The following NCOR1 variants were observed in gnomAD, a reference collection of about 807,000 sequenced individuals.
The protein encoded by NCOR1 is nuclear receptor corepressor 1.
A neutral mutation model predicts 288.1 loss-of-function variants in NCOR1; 63 were observed. That is an observed-to-expected ratio of 0.22 (90% CI 0.18 to 0.27). The LOEUF (loss-of-function observed/expected upper bound fraction) is 0.27. Among genes scored for constraint, NCOR1 ranks in the 10% least tolerant of loss-of-function variants. The probability of loss-of-function intolerance (pLI) is 1.00; values close to 1 mark genes in which losing one functional copy is unlikely to be tolerated. For missense variants in NCOR1, 2,397 were observed against 3,019.2 expected, an observed-to-expected ratio of 0.79 and a Z score of 4.83; for synonymous variants, 1,007 against 1,065.9, an observed-to-expected ratio of 0.94 and a Z score of 1.08.
intron 14 of NCOR1, among the ~76,000 whole-genome samples, chr17:16,132,811 C>CTTT (rs2075838860): frequency 2.3e-5 from 3 of 128,544 alleles, no homozygotes; most frequent in African/African-American, 9.0e-5. Context: ...TTTTTTTTTC[C>CTTT]TGAGATGGAG....
intron 7 of NCOR1, among the ~76,000 whole-genome samples, 160 bp from the exon 8 acceptor site, chr17:16,152,158 AT>A (rs1028425320): frequency 1.3e-5 from 2 of 152,132 alleles, no homozygotes; most frequent in Non-Finnish European, 1.5e-5. Flanking sequence ...TTATTTACTT[AT>A]TTTTTTAAAT....
At chr17:16,134,257 G>A (rs1402333024) in intron 14 of NCOR1, among the ~76,000 whole-genome samples, 3 of 152,162 alleles carry the variant, frequency 2.0e-5, no homozygotes, top group African/African-American at 7.2e-5. Flanking sequence ...TGGTAAATCT[G>A]GTGGCATGAG....
intron 4 of NCOR1, among the ~76,000 whole-genome samples, chr17:16,171,316 A>G (rs1442159437): frequency 2.6e-5 from 4 of 152,150 alleles, no homozygotes; most frequent in Non-Finnish European, 4.4e-5. Flanking sequence ...CCAGTTTTCT[A>G]TAAGTATGTA....
intron 1 of NCOR1, among the ~76,000 whole-genome samples, chr17:16,210,426 G>C (rs1169579102): frequency 1.3e-5 from 2 of 152,044 alleles, no homozygotes; most frequent in Non-Finnish European, 2.9e-5. Flanking sequence ...ATTTATTTGG[G>C]CCTCAGGGGT....
At chr17:16,087,277 T>C (rs1452934895) in intron 22 of NCOR1, 2 of 1,304,262 alleles carry the variant, frequency 1.5e-6, no homozygotes, top group African/African-American at 1.5e-5. Context: ...GCTGCAGTAT[T>C]GTGCATCTGT....
At chr17:16,142,553 T>G (rs926420401) in intron 11 of NCOR1, among the ~76,000 whole-genome samples, 2 of 152,108 alleles carry the variant, frequency 1.3e-5, no homozygotes, top group Non-Finnish European at 2.9e-5. Context: ...AAATGGAAAT[T>G]TATTCTTATT....
intron 2 of NCOR1, among the ~76,000 whole-genome samples, chr17:16,194,064 C>A (rs1373605847): frequency 6.6e-6 from 1 of 152,180 alleles, no homozygotes; most frequent in Non-Finnish European, 1.5e-5. Flanking sequence ...CTATACAAAT[C>A]TTCCTACCAT....
intron 14 of NCOR1, among the ~76,000 whole-genome samples, chr17:16,131,975 AG>A (rs1457369843): frequency 1.3e-5 from 2 of 152,238 alleles, no homozygotes; most frequent in African/African-American, 4.8e-5. Flanking sequence ...AGAGTCACAT[AG>A]GTACAATTGG....
intron 1 of NCOR1, among the ~76,000 whole-genome samples, chr17:16,214,816 A>G (rs2092413226): frequency 6.6e-6 from 1 of 152,194 alleles, no homozygotes; most frequent in African/African-American, 2.4e-5. Flanking sequence ...GGCAGAAGGT[A>G]TAGTGTTCGG....
chr17:16,160,797 A>C (rs1248281874), intron 5 of NCOR1, among the ~76,000 whole-genome samples: 2 of 152,154 alleles, frequency 1.3e-5, no homozygotes, highest in Non-Finnish European at 2.9e-5. Flanking sequence ...ATCTCAAAAA[A>C]ACTAAATAAA....
At chr17:16,155,393 C>CACA (rs200326632) in intron 6 of NCOR1, among the ~76,000 whole-genome samples, 21 of 149,078 alleles carry the variant, frequency 1.4e-4, no homozygotes, top group East Asian at 5.9e-4. Flanking sequence ...ACACACACAC[C>CACA]CACAAAGATA....
intron 40 of NCOR1, among the ~76,000 whole-genome samples, chr17:16,056,478 AT>A (rs1011399167): frequency 8.1e-5 from 12 of 147,366 alleles, no homozygotes; most frequent in Admixed American, 1.4e-4. Flanking sequence ...TGCCTGGCTA[AT>A]TTTTTTTTTG....
intron 2 of NCOR1, among the ~76,000 whole-genome samples, chr17:16,194,234 C>T (rs1477168582): frequency 6.6e-6 from 1 of 151,956 alleles, no homozygotes; most frequent in Non-Finnish European, 1.5e-5. Flanking sequence ...TCATCAACTC[C>T]TATCATGAAA....
intron 43 of NCOR1, 193 bp from the exon 44 acceptor site, chr17:16,039,847 G>A (rs2057222249): frequency 1.8e-6 from 1 of 543,390 alleles, no homozygotes; most frequent in African/African-American, 1.9e-5. Flanking sequence ...CTGGAGTGCA[G>A]TGGCGCGATC....
intron 5 of NCOR1, among the ~76,000 whole-genome samples, chr17:16,159,345 G>T (rs944169857): frequency 2.0e-5 from 3 of 149,562 alleles, no homozygotes; most frequent in African/African-American, 7.4e-5. Flanking sequence ...CCCGGGAGGT[G>T]GAGGTTGCAG....
chr17:16,153,924 T>C (rs2079264972), intron 6 of NCOR1, among the ~76,000 whole-genome samples: 2 of 151,820 alleles, frequency 1.3e-5, no homozygotes, highest in African/African-American at 2.4e-5. Context: ...TAGTAATAGC[T>C]GAACAACAAA....
chr17:16,215,015 C>G (rs1211633985), intron 1 of NCOR1, among the ~76,000 whole-genome samples: 1 of 152,246 alleles, frequency 6.6e-6, no homozygotes, highest in Non-Finnish European at 1.5e-5. Flanking sequence ...GCCGGCCCCA[C>G]CCGGGGCACC....
Position 16,146,549 on chromosome 17 carries a change from C to A in NCOR1, c.910-1G>T. 1 of 1,577,454 alleles carries A rather than the reference C, an allele frequency of 6.3e-7. No individual in the cohort carries two copies. On this transcript the variant is annotated splice_acceptor_variant, in intron 9 of 45. Transcript: ENST00000268712. LOFTEE classifies it high-confidence loss of function. ...CATAACGCTGGCAGATTTTTTGTTC[C>A]TATTAAATATCCGTAGCAAATTAAT...
At chr17:16,153,922 G>A (rs2079264337) in intron 6 of NCOR1, among the ~76,000 whole-genome samples, 1 of 151,156 alleles carries the variant, frequency 6.6e-6, no homozygotes, top group Admixed American at 6.6e-5. Context: ...CTTAGTAATA[G>A]CTGAACAACA....
Sources: gnomAD v4.1 joint callset for allele counts (sites outside exome capture counted in the v4.1 genomes callset) on GRCh38, gnomAD v4.1.1 for gene constraint, MANE v1.5 for transcripts, NCBI Gene and HGNC (gene_info 2026-07-23, HGNC 2026-07-21) for gene names.